CCSER1: variants seen among roughly 807,000 people sequenced by gnomAD.
CCSER1 encodes the protein serine-rich coiled-coil domain-containing protein 1.
In CCSER1, 41 loss-of-function variants were observed where a neutral mutation model predicts 82.0. The observed-to-expected ratio is 0.50, with a 90% confidence interval of 0.39 to 0.65. CCSER1 has a LOEUF of 0.65. Ranked by LOEUF, CCSER1 falls within the 30% of genes least tolerant of loss-of-function variation. The pLI is 0.00. For synonymous variants in CCSER1, 414 were observed against 383.9 expected (o/e 1.08, Z -0.92); for missense variants, 1,119 against 1,064.2 (o/e 1.05, Z -0.72).
At chr4:91,324,755 CTGAAAT>C (rs1266270515) in intron 10 of CCSER1, among the ~76,000 whole-genome samples, 2 of 152,094 alleles carry the variant, frequency 1.3e-5, no homozygotes, top group African/African-American at 4.8e-5. Flanking sequence ...GAGGGCCTTA[CTGAAAT>C]CAGCAAGGTG....
At chr4:90,867,361 C>T (rs1216524092) in intron 8 of CCSER1, among the ~76,000 whole-genome samples, 2 of 152,014 alleles carry the variant, frequency 1.3e-5, no homozygotes, top group Admixed American at 1.3e-4. Context: ...TATTTAACCG[C>T]ATTCAATTTA....
At chr4:91,350,034 T>C (rs1450363894) in intron 10 of CCSER1, among the ~76,000 whole-genome samples, 1 of 152,150 alleles carries the variant, frequency 6.6e-6, no homozygotes, top group African/African-American at 2.4e-5. Context: ...GTTTGTTCTG[T>C]TTTTTCATTG....
At position 91,071,670 on chromosome 4, in the gene CCSER1, C is replaced by T. The variant is rs138924042; in HGVS notation, c.2173-14280C>T. ...GTGCATTCTCTCTTTTTATGATCTACGGTACAAATATGAAACGTAGCTTAC... is the reference window on the plus strand; with the variant it reads ...GTGCATTCTCTCTTTTTATGATCTATGGTACAAATATGAAACGTAGCTTAC... On this transcript the variant is annotated intron_variant, in intron 9 of 10. Transcript: ENST00000509176. 1.5e-4 allele frequency among the ~76,000 whole-genome samples: 23 copies of T among 152,018 alleles called. No individual in the cohort carries two copies. In the East Asian group the frequency reaches 2.5e-3, roughly 17 times the overall value.
chr4:91,191,833 A>G (rs1292717065), intron 10 of CCSER1, among the ~76,000 whole-genome samples: 1 of 152,184 alleles, frequency 6.6e-6, no homozygotes, highest in African/African-American at 2.4e-5. Flanking sequence ...AGTCTTTTCA[A>G]TTCTGATAAC....
rs1299656121 is a variant in CCSER1 at position 91,238,803 on chromosome 4, C to G, written c.2217+152809C>G. Among the ~76,000 whole-genome samples the G allele has an allele frequency of 1.3e-5, 2 of 151,582 alleles. 1 individual carries two copies. The highest frequency in any genetic ancestry group is 2.9e-5 in the Non-Finnish European group (2 of 67,926). On this transcript the variant is annotated intron_variant, in intron 10 of 10. Transcript: ENST00000509176. Reference sequence around the variant, plus strand: ...AACGGTTTGCATTTACTCAGTATTACTAAGTGTTAGATACTATTTTAAGCA... The same window carrying G: ...AACGGTTTGCATTTACTCAGTATTAGTAAGTGTTAGATACTATTTTAAGCA...
At chr4:90,938,266 A>G (rs1731198187) in intron 9 of CCSER1, among the ~76,000 whole-genome samples, 1 of 152,100 alleles carries the variant, frequency 6.6e-6, no homozygotes, top group Admixed American at 6.6e-5. Flanking sequence ...CGGGTTGCAA[A>G]AATACTAGGA....
chr4:91,539,847 G>A (rs902741396), intron 10 of CCSER1, among the ~76,000 whole-genome samples: 1 of 151,946 alleles, frequency 6.6e-6, no homozygotes, highest in East Asian at 1.9e-4. Flanking sequence ...TTAGTGCACA[G>A]CTTATTGAAT....
intron 10 of CCSER1, among the ~76,000 whole-genome samples, chr4:91,470,564 G>A (rs72658020): frequency 0.093 from 14,194 of 152,030 alleles, 771 homozygotes; most frequent in Non-Finnish European, 0.12. Context: ...CTCCCAAAGT[G>A]CTGGGATTAC....
chr4:91,183,248 A>G (rs1309155961), intron 10 of CCSER1, among the ~76,000 whole-genome samples: 1 of 152,236 alleles, frequency 6.6e-6, no homozygotes, highest in Non-Finnish European at 1.5e-5. Flanking sequence ...AATCACATTA[A>G]TAGGCATAGC....
chr4:91,043,261 T>TA (rs1458693675), intron 9 of CCSER1, among the ~76,000 whole-genome samples: 3 of 151,344 alleles, frequency 2.0e-5, no homozygotes, highest in Non-Finnish European at 4.4e-5. Flanking sequence ...CATAGAAAAA[T>TA]AAAAAATATC....
At chr4:90,607,219 G>A (rs759727988) in intron 5 of CCSER1, among the ~76,000 whole-genome samples, 4 of 152,102 alleles carry the variant, frequency 2.6e-5, no homozygotes, top group African/African-American at 7.2e-5. Flanking sequence ...AGTGAAAACC[G>A]TTGGCTGTTT....
chr4:90,829,435 G>A (rs1396214227), intron 8 of CCSER1, among the ~76,000 whole-genome samples: 3 of 152,020 alleles, frequency 2.0e-5, no homozygotes, highest in African/African-American at 7.2e-5. Flanking sequence ...AAATGAAAGA[G>A]TAAAAATAAA....
At chr4:91,420,931 A>T (rs1346414570) in intron 10 of CCSER1, among the ~76,000 whole-genome samples, 1 of 152,184 alleles carries the variant, frequency 6.6e-6, no homozygotes, top group African/African-American at 2.4e-5. Context: ...GGAGGGTATT[A>T]TGCTAAGTGA....
chr4:90,538,166 C>G (rs1037862780), intron 5 of CCSER1, among the ~76,000 whole-genome samples: 5 of 152,058 alleles, frequency 3.3e-5, no homozygotes, highest in Non-Finnish European at 7.4e-5. Flanking sequence ...GTCACTCCTT[C>G]TTTTGTTTTC....
chr4:90,321,266 C>A (rs977718926), intron 3 of CCSER1, among the ~76,000 whole-genome samples: 10 of 152,062 alleles, frequency 6.6e-5, no homozygotes, highest in African/African-American at 2.4e-4. Flanking sequence ...TCTGTGACTT[C>A]AAATGTTTTA....
intron 8 of CCSER1, among the ~76,000 whole-genome samples, chr4:90,874,281 A>G (rs1766920518): frequency 1.3e-5 from 2 of 152,168 alleles, no homozygotes; most frequent in South Asian, 4.1e-4. Flanking sequence ...AACAAACGCA[A>G]ATCATTCAAA....
intron 1 of CCSER1, among the ~76,000 whole-genome samples, chr4:90,187,428 G>A (rs1734815786): frequency 1.4e-5 from 2 of 146,164 alleles, no homozygotes; most frequent in East Asian, 2.0e-4. Flanking sequence ...CTCCCTTATC[G>A]GATTTCACTC....
intron 10 of CCSER1, among the ~76,000 whole-genome samples, chr4:91,103,184 C>T (rs59017289): frequency 0.33 from 50,114 of 151,962 alleles, 8,815 homozygotes; most frequent in East Asian, 0.45. Flanking sequence ...ATCTCTCCTT[C>T]GAGGTCATTT....
At chr4:91,454,767 A>T (rs1021103538) in intron 10 of CCSER1, among the ~76,000 whole-genome samples, 2 of 151,950 alleles carry the variant, frequency 1.3e-5, no homozygotes, top group Non-Finnish European at 2.9e-5. Flanking sequence ...TCAACTAACA[A>T]CATCTAATTA....
Sources: gnomAD v4.1 joint callset for allele counts (sites outside exome capture counted in the v4.1 genomes callset) on GRCh38, gnomAD v4.1.1 for gene constraint, MANE v1.5 for transcripts, NCBI Gene and HGNC (gene_info 2026-07-23, HGNC 2026-07-21) for gene names.